The following OR2C1 variants were observed in gnomAD, a reference collection of about 807,000 sequenced individuals.
OR2C1 encodes the protein olfactory receptor 2C1.
For synonymous variants in OR2C1, 209 were observed against 167.3 expected, an observed-to-expected ratio of 1.25 and a Z score of -1.92; for missense variants, 468 against 388.3, an observed-to-expected ratio of 1.21 and a Z score of -1.73.
At chr16:3,325,429 T>G in the OR2C1 span, among the ~76,000 whole-genome samples, 1 of 147,430 alleles carries the variant, frequency 6.8e-6, no homozygotes, top group Non-Finnish European at 1.5e-5. Context: ...TGTAGTATAG[T>G]CTTTAAGGGT....
the OR2C1 span, among the ~76,000 whole-genome samples, chr16:3,348,716 T>C: frequency 6.6e-6 from 1 of 152,210 alleles, no homozygotes; most frequent in Non-Finnish European, 1.5e-5. Flanking sequence ...TGAATGAATG[T>C]GGTTTCTAAG....
rs138278213 is a variant in OR2C1 at position 3,356,162 on chromosome 16, T to C, written c.222T>C (p.Ala74=). The C allele has an allele frequency of 5.0e-4, 812 of 1,614,084 alleles. 2 individuals carry two copies. The highest frequency in any genetic ancestry group is 6.6e-4 in the Non-Finnish European group (773 of 1,180,050). ...SNLSSLDLAF[A]TSSVPQMLIN... ...TCTCCTCCTTGGACCTTGCTTTCGC[T>C]ACTAGTTCAGTCCCCCAAATGCTGA... Residue 74 remains alanine, a synonymous_variant, in exon 1 of 1, where the codon GCT becomes GCC. Coordinates refer to ENST00000304936, the MANE Select transcript of OR2C1 (RefSeq NM_012368.3).
At chr16:3,332,266 AT>A in the OR2C1 span, among the ~76,000 whole-genome samples, 8 of 149,962 alleles carry the variant, frequency 5.3e-5, no homozygotes, top group South Asian at 2.1e-4. Context: ...TAAAATAAAA[AT>A]TTTTTTTTTG....
At chr16:3,348,432 T>G in the OR2C1 span, among the ~76,000 whole-genome samples, 1 of 152,188 alleles carries the variant, frequency 6.6e-6, no homozygotes, top group South Asian at 2.1e-4. Flanking sequence ...CCATTTGCCC[T>G]TGGAGAAATT....
At chr16:3,347,823 CACAT>C in the OR2C1 span, among the ~76,000 whole-genome samples, 5 of 98,690 alleles carry the variant, frequency 5.1e-5, no homozygotes, top group Non-Finnish European at 1.2e-4. Context: ...CACACGAACA[CACAT>C]GCACACACAT....
chr16:3,349,273 G>A, the OR2C1 span, among the ~76,000 whole-genome samples: 1 of 152,172 alleles, frequency 6.6e-6, no homozygotes, highest in Admixed American at 6.5e-5. Context: ...GGGAGTTCAG[G>A]TGACAGACTG....
chr16:3,339,649 G>A, the OR2C1 span, among the ~76,000 whole-genome samples: 2 of 151,908 alleles, frequency 1.3e-5, no homozygotes, highest in Non-Finnish European at 2.9e-5. Flanking sequence ...GTAGACATGG[G>A]GTTTCACCGC....
At chr16:3,347,827 T>C in the OR2C1 span, among the ~76,000 whole-genome samples, 602 of 97,952 alleles carry the variant, frequency 6.1e-3, 3 homozygotes, top group African/African-American at 0.018. Context: ...CGAACACACA[T>C]GCACACACAT....
the OR2C1 span, among the ~76,000 whole-genome samples, chr16:3,341,583 C>T: frequency 2.6e-4 from 40 of 152,276 alleles, 1 homozygote; most frequent in African/African-American, 9.6e-4. Context: ...CAACCCCCTC[C>T]TAAGATTCAA....
At chr16:3,357,906 G>A (rs534050651), downstream of OR2C1, among the ~76,000 whole-genome samples, 5 of 152,006 alleles carry the variant, frequency 3.3e-5, no homozygotes, top group East Asian at 9.7e-4. Context: ...GCTTGAACTC[G>A]GGAGGCAGAG....
chr16:3,323,504 C>A, the OR2C1 span: 15 of 740,400 alleles, frequency 2.0e-5, no homozygotes, highest in Non-Finnish European at 3.4e-5. Context: ...ATTTGGAAAT[C>A]CCCAGATCAC....
the OR2C1 span, among the ~76,000 whole-genome samples, chr16:3,328,179 G>T: frequency 6.6e-6 from 1 of 152,168 alleles, no homozygotes; most frequent in Admixed American, 6.5e-5. Context: ...TGATAGTCAA[G>T]AAGTGTGCTA....
chr16:3,356,887 CTCCTTCGT>C lies in OR2C1; in HGVS notation c.*10_*17del, dbSNP rs1325961884. ...GGAAGAGAAGTTGGCTGAGAGAACA[CTCCTTCGT>C]TATTTATTGCGTCTTCATCTCTACA... On this transcript the variant is annotated 3_prime_UTR_variant, in exon 1 of 1. Transcript: ENST00000304936. 1 of 1,553,754 alleles carries C rather than the reference CTCCTTCGT, an allele frequency of 6.4e-7. No individual in the cohort carries two copies. The highest frequency in any genetic ancestry group is 8.7e-7 in the Non-Finnish European group (1 of 1,148,472).
chr16:3,335,617 C>T, the OR2C1 span, among the ~76,000 whole-genome samples: 5 of 146,124 alleles, frequency 3.4e-5, no homozygotes, highest in Non-Finnish European at 5.9e-5. Context: ...ACCTCCACCT[C>T]CTGGGTTCAA....
the OR2C1 span, among the ~76,000 whole-genome samples, chr16:3,342,782 C>G: frequency 6.6e-6 from 1 of 152,100 alleles, no homozygotes; most frequent in Non-Finnish European, 1.5e-5. Context: ...GAGGCTGAGG[C>G]AGGAGAATCA....
At chr16:3,333,984 TGG>T in the OR2C1 span, among the ~76,000 whole-genome samples, 1 of 145,578 alleles carries the variant, frequency 6.9e-6, no homozygotes, top group Non-Finnish European at 1.5e-5. Context: ...CTTTTTGGGG[TGG>T]TGGGGGGACA....
the OR2C1 span, among the ~76,000 whole-genome samples, chr16:3,331,564 A>T: frequency 6.6e-6 from 1 of 150,376 alleles, no homozygotes; most frequent in East Asian, 1.9e-4. Context: ...TGATTTTTGT[A>T]TAAGGTGTAA....
chr16:3,330,163 G>A, the OR2C1 span, among the ~76,000 whole-genome samples: 2 of 152,194 alleles, frequency 1.3e-5, no homozygotes, highest in East Asian at 3.9e-4. Flanking sequence ...CTGGAGTGCA[G>A]TGGTGAGATC....
the OR2C1 span, among the ~76,000 whole-genome samples, chr16:3,327,007 G>T: frequency 3.3e-5 from 5 of 152,214 alleles, no homozygotes; most frequent in Admixed American, 2.6e-4. Context: ...GTGAATTGGG[G>T]TTTCTGTTCA....
Sources: allele counts gnomAD v4.1 joint callset (sites outside exome capture counted in the v4.1 genomes callset), GRCh38; gene constraint gnomAD v4.1.1; transcripts MANE v1.5; gene names NCBI Gene and HGNC (gene_info 2026-07-23, HGNC 2026-07-21).